Variants in DLGAP2 observed in about 807,000 individuals in gnomAD.
The protein encoded by DLGAP2 is disks large-associated protein 2.
A neutral mutation model predicts 100.3 loss-of-function variants in DLGAP2; 26 were observed. The observed-to-expected ratio is 0.26, with a 90% CI of 0.19 to 0.36. The LOEUF (loss-of-function observed/expected upper bound fraction) is 0.36. Ranked by LOEUF, DLGAP2 falls within the 10% of genes least tolerant of loss-of-function variation. The pLI, the probability that DLGAP2 is intolerant of heterozygous loss-of-function variation, is 1.00. For missense variants in DLGAP2, 1,858 were observed against 1,453.2 expected, an observed-to-expected ratio of 1.28 and a Z score of -4.53; for synonymous variants, 886 against 630.1, an observed-to-expected ratio of 1.41 and a Z score of -6.08.
intron 1 of DLGAP2, among the ~76,000 whole-genome samples, chr8:856,887 C>T (rs1797289190): frequency 6.6e-6 from 1 of 152,264 alleles, no homozygotes; most frequent in African/African-American, 2.4e-5. Context: ...CTAAAGGTTA[C>T]ATGAAGAGGC....
intron 3 of DLGAP2, chr8:1,369,858 GCAAGGCA>G (rs1802194883): frequency 1.3e-5 from 2 of 152,202 alleles, no homozygotes; most frequent in Admixed American, 6.5e-5. Flanking sequence ...GGCGCGAGGC[GCAAGGCA>G]CAAGCCTGGC....
At chr8:1,191,109 A>G (rs1258629080) in intron 2 of DLGAP2, among the ~76,000 whole-genome samples, 2 of 151,848 alleles carry the variant, frequency 1.3e-5, no homozygotes, top group African/African-American at 4.8e-5. Flanking sequence ...TTTACGTGGG[A>G]TGTCTTGCAA....
At chr8:1,412,621 A>G (rs1563130877) in intron 3 of DLGAP2, among the ~76,000 whole-genome samples, 1 of 152,184 alleles carries the variant, frequency 6.6e-6, no homozygotes, top group South Asian at 2.1e-4. Context: ...TCCTCTTCTG[A>G]GAAATGGTGA....
intron 3 of DLGAP2, chr8:1,369,554 G>T (rs573964484): frequency 4.6e-5 from 7 of 152,228 alleles, no homozygotes; most frequent in African/African-American, 1.7e-4. Flanking sequence ...ACTTCATTTG[G>T]CCTCCAGTGT....
intron 2 of DLGAP2, among the ~76,000 whole-genome samples, chr8:1,066,524 G>C (rs949725140): frequency 2.0e-5 from 3 of 148,166 alleles, no homozygotes; most frequent in South Asian, 2.2e-4. Context: ...TCCCCACCAC[G>C]GTCAGGTCTG....
At chr8:1,283,417 CAT>C (rs1370216762) in intron 3 of DLGAP2, among the ~76,000 whole-genome samples, 1 of 152,208 alleles carries the variant, frequency 6.6e-6, no homozygotes, top group Non-Finnish European at 1.5e-5. Context: ...CTTTGGGTAT[CAT>C]ATGTTTGTTT....
intron 3 of DLGAP2, among the ~76,000 whole-genome samples, chr8:1,308,031 G>C (rs987728939): frequency 1.3e-5 from 2 of 152,150 alleles, no homozygotes; most frequent in African/African-American, 2.4e-5. Flanking sequence ...TTTCCAAAAA[G>C]AACCCATGTA....
chr8:860,525 C>T (rs1256937539), intron 1 of DLGAP2, among the ~76,000 whole-genome samples: 2 of 152,200 alleles, frequency 1.3e-5, no homozygotes, highest in Non-Finnish European at 1.5e-5. Flanking sequence ...GGGTGGACGC[C>T]TCCCGGCAAA....
At chr8:1,689,874 G>A (rs933445413) in intron 12 of DLGAP2, among the ~76,000 whole-genome samples, 2 of 152,206 alleles carry the variant, frequency 1.3e-5, no homozygotes, top group Non-Finnish European at 1.5e-5. Context: ...CGTGTACTGG[G>A]CACGCTCTAT....
chr8:1,259,022 C>A (rs533197201), intron 3 of DLGAP2, 139 bp downstream of exon 3: 1 of 695,278 alleles, frequency 1.4e-6, no homozygotes, highest in East Asian at 3.4e-5. Flanking sequence ...TTGATAGGAA[C>A]GTGAGTAAAA....
chr8:932,332 C>T, intron 2 of DLGAP2, among the ~76,000 whole-genome samples: 1 of 152,180 alleles, frequency 6.6e-6, no homozygotes, highest in Admixed American at 6.5e-5. Context: ...ATAGGAGGGA[C>T]TCTCATGATC....
chr8:861,747 C>T (rs1797395915), intron 1 of DLGAP2, among the ~76,000 whole-genome samples: 1 of 152,198 alleles, frequency 6.6e-6, no homozygotes, highest in Admixed American at 6.5e-5. Flanking sequence ...CAAGGGACAG[C>T]AGCGTTGACG....
At chr8:1,223,555 C>G (rs974824678) in intron 2 of DLGAP2, among the ~76,000 whole-genome samples, 1 of 152,136 alleles carries the variant, frequency 6.6e-6, no homozygotes, top group African/African-American at 2.4e-5. Context: ...ATGGTTTGAC[C>G]AGGGTTGTTG....
intron 2 of DLGAP2, among the ~76,000 whole-genome samples, chr8:979,019 G>A (rs1292258685): frequency 6.6e-6 from 1 of 152,152 alleles, no homozygotes; most frequent in Non-Finnish European, 1.5e-5. Flanking sequence ...TCCCCAGCTT[G>A]TTCCCACACT....
At chr8:1,495,021 G>A (rs565468134) in intron 3 of DLGAP2, among the ~76,000 whole-genome samples, 100 of 152,274 alleles carry the variant, frequency 6.6e-4, no homozygotes, top group Non-Finnish European at 1.1e-3. Flanking sequence ...ATCCTCATAC[G>A]TGCCATTTTT....
chr8:1,495,889 G>A (rs564480810), intron 3 of DLGAP2, among the ~76,000 whole-genome samples: 33 of 152,298 alleles, frequency 2.2e-4, no homozygotes, highest in South Asian at 1.2e-3. Flanking sequence ...CAGCCCCTGC[G>A]GCCACTGGGT....
At chr8:1,070,803 A>G in intron 2 of DLGAP2, among the ~76,000 whole-genome samples, 1 of 152,156 alleles carries the variant, frequency 6.6e-6, no homozygotes, top group Non-Finnish European at 1.5e-5. Flanking sequence ...TTTTCCGTGT[A>G]GAGAGGCCGT....
At chr8:1,263,655 G>C (rs939490427) in intron 3 of DLGAP2, among the ~76,000 whole-genome samples, 1 of 152,134 alleles carries the variant, frequency 6.6e-6, no homozygotes, top group Non-Finnish European at 1.5e-5. Flanking sequence ...TTGAATATGT[G>C]TTGTCTTAAC....
At chr8:1,057,886 G>T (rs1335830658) in intron 2 of DLGAP2, among the ~76,000 whole-genome samples, 1 of 152,070 alleles carries the variant, frequency 6.6e-6, no homozygotes, top group Non-Finnish European at 1.5e-5. Flanking sequence ...TGCATTTCTG[G>T]CTCTTATTTT....
Sources: gnomAD v4.1 joint callset for allele counts (sites outside exome capture counted in the v4.1 genomes callset) on GRCh38, gnomAD v4.1.1 for gene constraint, MANE v1.5 for transcripts, NCBI Gene and HGNC (gene_info 2026-07-23, HGNC 2026-07-21) for gene names.